The following GAPVD1 variants were observed in gnomAD, a reference collection of about 807,000 sequenced individuals.
The protein encoded by GAPVD1 is GTPase activating protein and VPS9 domains 1.
Under a neutral mutation model 155.5 loss-of-function variants are expected in GAPVD1, and 35 were observed. That is an observed-to-expected ratio of 0.23 (90% CI 0.17 to 0.30). The LOEUF is 0.30. GAPVD1 is among the 10% of genes least tolerant of loss of function. The probability of loss-of-function intolerance (pLI) is 1.00; values close to 1 mark genes in which losing one functional copy is unlikely to be tolerated. For synonymous variants in GAPVD1, 636 were observed against 619.7 expected (o/e 1.03, Z -0.39); for missense variants, 1,429 against 1,775.7 (o/e 0.80, Z 3.51).
At chr9:125,327,334 T>C (rs1845333074) in intron 12 of GAPVD1, among the ~76,000 whole-genome samples, 1 of 152,086 alleles carries the variant, frequency 6.6e-6, no homozygotes. Context: ...TCATGGAAAA[T>C]TTATTGATAT....
At chr9:125,280,955 A>C (rs1350449144) in intron 2 of GAPVD1, among the ~76,000 whole-genome samples, 3 of 152,170 alleles carry the variant, frequency 2.0e-5, no homozygotes, top group African/African-American at 4.8e-5. Flanking sequence ...TTCTTAAACT[A>C]TTCTGGCTGG....
chr9:125,329,629 T>C (rs1845782980), intron 12 of GAPVD1, among the ~76,000 whole-genome samples: 1 of 124,474 alleles, frequency 8.0e-6, no homozygotes, highest in Admixed American at 8.2e-5. Flanking sequence ...GAGAGGAATT[T>C]GGTGGTTTTT....
chr9:125,286,913 G>A lies in GAPVD1; in HGVS notation c.-149-8545G>A, dbSNP rs1383661562. On this transcript the variant is annotated intron_variant, in intron 2 of 27. Coordinates refer to ENST00000297933, the MANE Select transcript of GAPVD1 (RefSeq NM_001282680.3). ...AGCCTGGCCAACGTGGCAAAACCCC[G>A]TCTCTACTAAAAATACAAAAATTAG... is the stretch of plus-strand genomic sequence containing the variant. 3.9e-5 allele frequency among the ~76,000 whole-genome samples: 6 copies of A among 152,080 alleles called. 1 individual carries two copies. In the South Asian group the frequency reaches 8.3e-4, roughly 21 times the overall value.
chr9:125,284,785 G>A (rs1216629049), intron 2 of GAPVD1, among the ~76,000 whole-genome samples: 1 of 152,104 alleles, frequency 6.6e-6, no homozygotes, highest in Non-Finnish European at 1.5e-5. Context: ...TTTCTTCTGG[G>A]CTACAAACCT....
intron 23 of GAPVD1, among the ~76,000 whole-genome samples, 158 bp downstream of exon 23, chr9:125,351,030 G>C (rs1439242008): frequency 6.6e-6 from 1 of 152,186 alleles, no homozygotes; most frequent in Non-Finnish European, 1.5e-5. Flanking sequence ...TCACGCTGCT[G>C]ATAAAGATAT....
intron 23 of GAPVD1, among the ~76,000 whole-genome samples, chr9:125,352,440 C>G (rs909867928): frequency 6.6e-6 from 1 of 152,212 alleles, no homozygotes; most frequent in East Asian, 1.9e-4. Flanking sequence ...TGGAATCTGC[C>G]GAGGCTTGGG....
chr9:125,323,117 A>T (rs896858010), intron 10 of GAPVD1, among the ~76,000 whole-genome samples: 2 of 150,174 alleles, frequency 1.3e-5, no homozygotes, highest in Admixed American at 6.7e-5. Context: ...TATTATTATT[A>T]TTTTTTGAGA....
chr9:125,293,867 TATATATATATATATATATATATATATATA>T (rs1839243216), intron 2 of GAPVD1, among the ~76,000 whole-genome samples: 1 of 18,220 alleles, frequency 5.5e-5, no homozygotes, highest in Non-Finnish European at 8.5e-5. Flanking sequence ...TATATATATA[TATATATATATATATATATATATATATATA>T]TATATATAAG....
Position 125,362,784 on chromosome 9 carries a change from C to G in GAPVD1, c.*38C>G. On this transcript the variant is annotated 3_prime_UTR_variant, in exon 28 of 28. Coordinates refer to ENST00000297933, the MANE Select transcript of GAPVD1 (RefSeq NM_001282680.3). The stretch of plus-strand genomic sequence containing the variant: ...CCCACCAAGGCAGCAGACTGTTAAT[C>G]AGACAAACAGATCTCTGAGAAGGTG... 1 of 1,592,128 alleles carries G rather than the reference C, an allele frequency of 6.3e-7. No homozygotes were observed. The highest frequency in any genetic ancestry group is 1.1e-5 in the South Asian group (1 of 88,384).
At chr9:125,274,218 A>G (rs1175370944) in intron 2 of GAPVD1, among the ~76,000 whole-genome samples, 1 of 151,684 alleles carries the variant, frequency 6.6e-6, no homozygotes, top group Non-Finnish European at 1.5e-5. Flanking sequence ...GGGTTTCACC[A>G]TGTTGGCGAG....
intron 25 of GAPVD1, among the ~76,000 whole-genome samples, chr9:125,357,991 A>C (rs1420949820): frequency 6.6e-6 from 1 of 151,784 alleles, no homozygotes; most frequent in East Asian, 1.9e-4. Context: ...AAAAAAACAC[A>C]CACACACACA....
At chr9:125,336,822 CTG>C (rs1847087282) in intron 15 of GAPVD1, 194 bp from the exon 16 acceptor site, 2 of 555,150 alleles carry the variant, frequency 3.6e-6, no homozygotes, top group Non-Finnish European at 6.4e-6. Flanking sequence ...TAAAGAAAAT[CTG>C]TGTATGAAGA....
At chr9:125,263,670 G>C (rs940464056) in intron 1 of GAPVD1, 14 of 896,300 alleles carry the variant, frequency 1.6e-5, no homozygotes, top group Admixed American at 1.4e-4. Flanking sequence ...CTTTCTTGTC[G>C]GCACTAAGTG....
chr9:125,346,897 G>A lies in GAPVD1; in HGVS notation c.3125G>A (p.Arg1042Gln), dbSNP rs769469758. 17 of 1,612,694 alleles carry A rather than the reference G, an allele frequency of 1.1e-5. No homozygotes were observed. The highest frequency in any genetic ancestry group is 8.9e-5 in the East Asian group (4 of 44,888). The part of the protein sequence containing the change: ...ILDKYRNAIK[R>Q]TSPSDGAMAN... ...GACAAATACAGGAATGCCATTAAAC[G>A]GACCAGCCCCAGTGATGGAGCAATG... The change falls in exon 20 of 28, where the codon CGG becomes CAG. Residue 1042 changes from arginine to glutamine, a missense_variant. Coordinates refer to ENST00000297933, the MANE Select transcript of GAPVD1 (RefSeq NM_001282680.3).
intron 2 of GAPVD1, among the ~76,000 whole-genome samples, chr9:125,285,510 T>G (rs1161801231): frequency 7.4e-6 from 1 of 134,550 alleles, no homozygotes; most frequent in East Asian, 2.3e-4. Flanking sequence ...CAAGCTGGAG[T>G]GTAGTGGCCC....
At chr9:125,337,881 T>C (rs1299593094) in intron 17 of GAPVD1, among the ~76,000 whole-genome samples, 1 of 152,190 alleles carries the variant, frequency 6.6e-6, no homozygotes, top group Non-Finnish European at 1.5e-5. Context: ...AGATGAGTTG[T>C]TTTTTGTTTT....
chr9:125,334,480 A>G (rs189082519), intron 15 of GAPVD1, among the ~76,000 whole-genome samples: 5 of 152,348 alleles, frequency 3.3e-5, no homozygotes, highest in South Asian at 2.1e-4. Context: ...TGTTAGCTGA[A>G]CTAGCCAATG....
chr9:125,263,939 C>A, intron 1 of GAPVD1: 1 of 1,430,756 alleles, frequency 7.0e-7, no homozygotes, highest in Admixed American at 1.7e-5. Flanking sequence ...CTTCATGTAG[C>A]CTTGAGACTT....
intron 15 of GAPVD1, among the ~76,000 whole-genome samples, chr9:125,334,511 G>T (rs76044401): frequency 0.053 from 8,086 of 152,132 alleles, 656 homozygotes; most frequent in African/African-American, 0.17. Flanking sequence ...TTTTTATTTG[G>T]TTTTTCATGA....
Sources: gnomAD v4.1 joint callset for allele counts (sites outside exome capture counted in the v4.1 genomes callset) on GRCh38, gnomAD v4.1.1 for gene constraint, MANE v1.5 for transcripts, NCBI Gene and HGNC (gene_info 2026-07-23, HGNC 2026-07-21) for gene names.